PRKCA: variants seen among roughly 807,000 people sequenced by gnomAD.
PRKCA encodes protein kinase C alpha type.
A neutral mutation model predicts 87.0 loss-of-function variants in PRKCA; 27 were observed. That is an observed-to-expected ratio of 0.31 (90% CI 0.23 to 0.43). PRKCA has a LOEUF of 0.43. Ranked by LOEUF, PRKCA falls within the 20% of genes least tolerant of loss-of-function variation. The pLI is 1.00. For missense variants in PRKCA, 518 were observed against 852.3 expected (o/e 0.61, Z 4.88); for synonymous variants, 329 against 311.1 (o/e 1.06, Z -0.61).
intron 13 of PRKCA, among the ~76,000 whole-genome samples, chr17:66,753,974 G>C (rs1209188309): frequency 6.6e-6 from 1 of 152,042 alleles, no homozygotes; most frequent in Non-Finnish European, 1.5e-5. Context: ...ATACAGGAAG[G>C]TACTTGTGTC....
At chr17:66,799,040 G>A (rs111219149) in intron 16 of PRKCA, among the ~76,000 whole-genome samples, 3 of 149,882 alleles carry the variant, frequency 2.0e-5, no homozygotes, top group Non-Finnish European at 4.5e-5. Context: ...GGTGGTGGTG[G>A]TGGTGATGGT....
At chr17:66,459,206 CAAA>C (rs35784459) in intron 2 of PRKCA, among the ~76,000 whole-genome samples, 9 of 129,602 alleles carry the variant, frequency 6.9e-5, no homozygotes, top group Admixed American at 2.3e-4. Context: ...ATCCCTGTCT[CAAA>C]AAAAAAAAAA....
At chr17:66,447,442 G>T (rs146627820) in intron 2 of PRKCA, among the ~76,000 whole-genome samples, 167 of 152,288 alleles carry the variant, frequency 1.1e-3, no homozygotes, top group African/African-American at 3.8e-3. Flanking sequence ...AAGGCACGGG[G>T]CCTTAGTGCT....
intron 5 of PRKCA, among the ~76,000 whole-genome samples, chr17:66,674,432 A>T (rs552936843): frequency 5.9e-5 from 9 of 152,330 alleles, no homozygotes; most frequent in Non-Finnish European, 1.2e-4. Flanking sequence ...AAAATAACTA[A>T]AAGAGACTAA....
At chr17:66,488,143 T>A (rs1916066229) in intron 2 of PRKCA, among the ~76,000 whole-genome samples, 1 of 152,144 alleles carries the variant, frequency 6.6e-6, no homozygotes, top group Non-Finnish European at 1.5e-5. Flanking sequence ...AACTTGCCCC[T>A]TGGTCTTCTC....
intron 2 of PRKCA, among the ~76,000 whole-genome samples, chr17:66,431,713 G>C (rs895878148): frequency 1.3e-5 from 2 of 152,122 alleles, no homozygotes; most frequent in Non-Finnish European, 2.9e-5. Context: ...CTGAAACTAA[G>C]AATTTAGCAC....
chr17:66,626,788 T>A (rs1032533520), intron 3 of PRKCA, among the ~76,000 whole-genome samples: 1 of 152,222 alleles, frequency 6.6e-6, no homozygotes, highest in Non-Finnish European at 1.5e-5. Flanking sequence ...ATTACAGGCA[T>A]GAGCCATCGC....
At chr17:66,623,489 T>C (rs909854768) in intron 3 of PRKCA, among the ~76,000 whole-genome samples, 1 of 152,146 alleles carries the variant, frequency 6.6e-6, no homozygotes, top group Non-Finnish European at 1.5e-5. Flanking sequence ...CCAGGAGATA[T>C]GCAACGTGGT....
At chr17:66,349,961 G>GT (rs1403018455) in intron 2 of PRKCA, among the ~76,000 whole-genome samples, 1 of 147,598 alleles carries the variant, frequency 6.8e-6, no homozygotes, top group Non-Finnish European at 1.5e-5. Flanking sequence ...AGTTACAGAG[G>GT]TTAAAAAAAA....
chr17:66,587,893 GTGTATATATATATATATATATATA>G lies in PRKCA; in HGVS notation c.289-53460_289-53437del, dbSNP rs1430106545. ...TATGTGTGTGTGTGTGTGTGTGTGT[GTGTATATATATATATATATATATA>G]TATATATATATATATCCTGCAGTAG... is the stretch of plus-strand genomic sequence containing the variant. On this transcript the variant is annotated intron_variant, in intron 3 of 16. Coordinates refer to ENST00000413366, the MANE Select transcript of PRKCA (RefSeq NM_002737.3). 5.8e-5 allele frequency among the ~76,000 whole-genome samples: 3 copies of G among 51,636 alleles called. 1 individual carries two copies. The highest frequency in any genetic ancestry group is 1.2e-4 in the Non-Finnish European group (3 of 25,938). 33.9% of individuals were successfully genotyped at this position (51,636 alleles called of 152,430 possible).
chr17:66,578,733 C>T (rs1292433188), intron 3 of PRKCA, among the ~76,000 whole-genome samples: 2 of 152,198 alleles, frequency 1.3e-5, no homozygotes, highest in Non-Finnish European at 2.9e-5. Flanking sequence ...GCATCCTGGG[C>T]CTGTGGTTCC....
intron 2 of PRKCA, among the ~76,000 whole-genome samples, chr17:66,325,716 G>C (rs1905940972): frequency 6.6e-6 from 1 of 152,130 alleles, no homozygotes; most frequent in Non-Finnish European, 1.5e-5. Flanking sequence ...GGGGCGGGTG[G>C]TTGTGATTTA....
At chr17:66,552,499 T>C (rs1483232542) in intron 3 of PRKCA, among the ~76,000 whole-genome samples, 2 of 152,192 alleles carry the variant, frequency 1.3e-5, no homozygotes, top group Non-Finnish European at 2.9e-5. Flanking sequence ...GATCTGCTTC[T>C]AAGCCTGCTC....
At chr17:66,580,378 G>A (rs1034867761) in intron 3 of PRKCA, among the ~76,000 whole-genome samples, 1 of 152,166 alleles carries the variant, frequency 6.6e-6, no homozygotes, top group African/African-American at 2.4e-5. Context: ...GAGACCCTGG[G>A]ATTTTGCAGT....
chr17:66,781,868 G>T (rs12947799), intron 14 of PRKCA, among the ~76,000 whole-genome samples: 18,509 of 98,482 alleles, frequency 0.19, 1,446 homozygotes, highest in Admixed American at 0.26. Context: ...GAGAGAGAGA[G>T]ATATATATAT....
chr17:66,770,972 G>A (rs1020494556), intron 13 of PRKCA, among the ~76,000 whole-genome samples: 2 of 151,888 alleles, frequency 1.3e-5, no homozygotes, highest in African/African-American at 2.4e-5. Context: ...GTGGGAGTGA[G>A]CGTGCTACTG....
chr17:66,564,634 A>G (rs1333928760), intron 3 of PRKCA, among the ~76,000 whole-genome samples: 1 of 152,124 alleles, frequency 6.6e-6, no homozygotes. Flanking sequence ...TTAGATTTGG[A>G]TATTATCAAA....
intron 2 of PRKCA, among the ~76,000 whole-genome samples, chr17:66,449,811 C>T (rs1156984242): frequency 3.3e-5 from 5 of 152,056 alleles, no homozygotes; most frequent in Non-Finnish European, 5.9e-5. Flanking sequence ...AATCTCCCAC[C>T]GTGGTTGGAT....
At position 66,710,680 on chromosome 17, in the gene PRKCA, G is replaced by A. The variant is rs1042175793; in HGVS notation, c.918+21633G>A. Among the ~76,000 whole-genome samples the A allele has an allele frequency of 2.0e-5, 3 of 152,146 alleles. No individual in the cohort carries two copies. In the South Asian group the frequency reaches 6.2e-4, roughly 32 times the overall value. Reference sequence around the variant, plus strand: ...GCCCTCCCATGAAAAAAAATGCCATGTCTTAATCACCCAGAGAATAGACCA... The same window carrying A: ...GCCCTCCCATGAAAAAAAATGCCATATCTTAATCACCCAGAGAATAGACCA... On this transcript the variant is annotated intron_variant, in intron 8 of 16. Coordinates refer to ENST00000413366, the MANE Select transcript of PRKCA (RefSeq NM_002737.3).
Sources: gnomAD v4.1 joint callset for allele counts (sites outside exome capture counted in the v4.1 genomes callset) on GRCh38, gnomAD v4.1.1 for gene constraint, MANE v1.5 for transcripts, NCBI Gene and HGNC (gene_info 2026-07-23, HGNC 2026-07-21) for gene names.